Variants in ADGRG4 observed in about 807,000 individuals in gnomAD.
ADGRG4 encodes the protein adhesion G protein-coupled receptor G4, also known as G protein-coupled receptor 112.
Under a neutral mutation model 126.2 loss-of-function variants are expected in ADGRG4, and 122 were observed. That is an observed-to-expected ratio of 0.97 (90% CI 0.83 to 1.12). The LOEUF is 1.12. Ranked by LOEUF, ADGRG4 falls within the 50% of genes most tolerant of loss-of-function variation. ADGRG4 has a pLI of 0.00. For synonymous variants in ADGRG4, 943 were observed against 838.7 expected, an observed-to-expected ratio of 1.12 and a Z score of -2.15; for missense variants, 2,481 against 2,251.8, an observed-to-expected ratio of 1.10 and a Z score of -2.06.
intron 16 of ADGRG4, among the ~76,000 whole-genome samples, chrX:136,388,837 C>T (rs754539073): frequency 1.2e-4 from 13 of 111,957 alleles, no homozygotes; most frequent in African/African-American, 3.9e-4. Flanking sequence ...TTCCCAAGGC[C>T]ACATACCTAA....
chrX:136,367,698 T>G (rs915046612), intron 13 of ADGRG4, among the ~76,000 whole-genome samples: 2 of 112,193 alleles, frequency 1.8e-5, no homozygotes, highest in African/African-American at 6.5e-5. Flanking sequence ...AATTAGGGGC[T>G]TAATGAACAA....
At chrX:136,396,530 G>A (rs1225311915) in intron 19 of ADGRG4, among the ~76,000 whole-genome samples, 4 of 101,094 alleles carry the variant, frequency 4.0e-5, no homozygotes, top group Non-Finnish European at 8.0e-5. Context: ...GGGAGGTTGA[G>A]GCTGCAGTAG....
At chrX:136,394,993 G>C (rs1473873388) in intron 18 of ADGRG4, among the ~76,000 whole-genome samples, 2 of 111,411 alleles carry the variant, frequency 1.8e-5, no homozygotes, top group Non-Finnish European at 3.8e-5. Context: ...GGTTCAGCTG[G>C]GTGTTCAGAT....
intron 5 of ADGRG4, among the ~76,000 whole-genome samples, chrX:136,334,988 A>G (rs983063469): frequency 1.8e-5 from 2 of 111,453 alleles, no homozygotes; most frequent in African/African-American, 6.5e-5. Flanking sequence ...AAAACATTCA[A>G]TCTTTCACCA....
chrX:136,355,528 T>C (rs1411211098), intron 8 of ADGRG4, among the ~76,000 whole-genome samples: 1 of 111,534 alleles, frequency 9.0e-6, no homozygotes, highest in Non-Finnish European at 1.9e-5. Context: ...CTTAGAGCTT[T>C]ACAGAAATAT....
chrX:136,380,580 C>CT (rs1569332932), intron 15 of ADGRG4, among the ~76,000 whole-genome samples: 12 of 53,246 alleles, frequency 2.3e-4, no homozygotes, highest in African/African-American at 7.5e-4. Context: ...CTTCTTCTTC[C>CT]TCCTCCTCCT....
At chrX:136,315,290 C>T (rs2074798105) in intron 4 of ADGRG4, among the ~76,000 whole-genome samples, 1 of 109,963 alleles carries the variant, frequency 9.1e-6, no homozygotes, top group African/African-American at 3.3e-5. Flanking sequence ...CTCAGACAGT[C>T]ATGGGGCTGC....
chrX:136,332,045 T>C (rs1295038475), intron 5 of ADGRG4, among the ~76,000 whole-genome samples: 2 of 109,468 alleles, frequency 1.8e-5, no homozygotes, highest in Admixed American at 9.8e-5. Flanking sequence ...AGGGTACATG[T>C]GCACATTGTG....
chrX:136,353,634 C>T (rs997783890), intron 8 of ADGRG4, among the ~76,000 whole-genome samples: 3 of 111,898 alleles, frequency 2.7e-5, no homozygotes, highest in African/African-American at 9.7e-5. Context: ...TAGGGGAAGT[C>T]ATGCAGTTAG....
At position 136,385,347 on chromosome X, in the gene ADGRG4, C is replaced by A. The variant is rs910812835; in HGVS notation, c.7777-2393C>A. Among the ~76,000 whole-genome samples the A allele has an allele frequency of 2.7e-5, 3 of 111,504 alleles. No individual in the cohort carries two copies. In the Admixed American group the frequency reaches 2.9e-4, roughly 11 times the overall value. On this transcript the variant is annotated intron_variant, in intron 15 of 25. Transcript: ENST00000394143. ...TGTTAATTTGCTTCACTATAGTAAC[C>A]TTTTTACTCTCTATATGTATCCCGT...
At chrX:136,372,329 C>G (rs1445035198) in intron 14 of ADGRG4, among the ~76,000 whole-genome samples, 1 of 111,564 alleles carries the variant, frequency 9.0e-6, no homozygotes, top group African/African-American at 3.3e-5. Context: ...TACTTCTCTC[C>G]ATCTCCACCA....
In ADGRG4 at chrX:136,403,251, G is replaced by C. The variant is rs377307988; in HGVS notation, c.8583G>C (p.Pro2861=). The C allele has an allele frequency of 8.3e-7, 1 of 1,209,597 alleles. No individual in the cohort carries two copies. The highest frequency in any genetic ancestry group is 1.1e-6 in the Non-Finnish European group (1 of 893,678). Residue 2861 remains proline, a synonymous_variant, in exon 22 of 26, where the codon CCG becomes CCC. Coordinates refer to ENST00000394143, the MANE Select transcript of ADGRG4 (RefSeq NM_153834.4). ...CTTGCTTTCCCACTGCAGGAATCCCGGCTATCATGGTGGCAATCACAGTCA... is the reference window on the plus strand; with the variant it reads ...CTTGCTTTCCCACTGCAGGAATCCCCGCTATCATGGTGGCAATCACAGTCA... ...LKFCLVGWGI[P]AIMVAITVSV...
chrX:136,369,770 G>A (rs947578597), intron 13 of ADGRG4, among the ~76,000 whole-genome samples: 1 of 111,876 alleles, frequency 8.9e-6, no homozygotes, highest in Admixed American at 9.5e-5. Context: ...AATGTTAATC[G>A]AGAAACAACT....
At chrX:136,411,142 C>T (rs751661792) in intron 23 of ADGRG4, among the ~76,000 whole-genome samples, 31 of 111,186 alleles carry the variant, frequency 2.8e-4, no homozygotes, top group East Asian at 1.7e-3. Flanking sequence ...CTGCAACCTC[C>T]GCCTCCTGGG....
At chrX:136,408,917 GTC>G (rs961974320) in intron 23 of ADGRG4, among the ~76,000 whole-genome samples, 2 of 111,025 alleles carry the variant, frequency 1.8e-5, no homozygotes, top group Non-Finnish European at 3.8e-5. Context: ...GAGCCAAGCT[GTC>G]TCTGTCTGTC....
intron 13 of ADGRG4, among the ~76,000 whole-genome samples, chrX:136,366,288 A>G (rs760928851): frequency 3.6e-5 from 4 of 112,325 alleles, no homozygotes; most frequent in African/African-American, 1.3e-4. Context: ...ATCTTACAAT[A>G]TGCAGCCTTC....
chrX:136,393,754 A>C (rs2075332181), intron 18 of ADGRG4, among the ~76,000 whole-genome samples, 174 bp downstream of exon 18: 1 of 111,744 alleles, frequency 8.9e-6, no homozygotes, highest in Non-Finnish European at 1.9e-5. Context: ...GAATTAAGAC[A>C]ACTTTCCTTT....
chrX:136,361,436 G>T lies in ADGRG4; in HGVS notation c.7145-19G>T. On this transcript the variant is annotated intron_variant, in intron 11 of 25. Coordinates refer to ENST00000394143, the MANE Select transcript of ADGRG4 (RefSeq NM_153834.4). ...AAGTGCCTCTTGTCCTTTAAAATGTGCATACATTTTCTCTGTAGAGCCTGG... is the reference window on the plus strand; with the variant it reads ...AAGTGCCTCTTGTCCTTTAAAATGTTCATACATTTTCTCTGTAGAGCCTGG... The T allele has an allele frequency of 9.1e-7, 1 of 1,103,379 alleles. No homozygotes were observed. Among genetic ancestry groups the T allele is most frequent in the African/African-American group, 1.8e-5 (1 of 55,047 alleles). The allele number at this position is 1,103,379 out of a possible 1,213,427, so 90.9% of individuals were successfully genotyped here.
intron 13 of ADGRG4, among the ~76,000 whole-genome samples, chrX:136,364,278 A>C (rs1399757974): frequency 9.0e-6 from 1 of 111,495 alleles, no homozygotes; most frequent in Non-Finnish European, 1.9e-5. Context: ...CCACAGAGAT[A>C]TTTTATGGAT....
Sources: allele counts gnomAD v4.1 joint callset (sites outside exome capture counted in the v4.1 genomes callset), GRCh38; gene constraint gnomAD v4.1.1; transcripts MANE v1.5; gene names NCBI Gene and HGNC (gene_info 2026-07-23, HGNC 2026-07-21).